GREM2: variants seen among roughly 807,000 people sequenced by gnomAD.
The protein encoded by GREM2 is gremlin-2.
Under a neutral mutation model 14.2 loss-of-function variants are expected in GREM2, and 11 were observed. The observed-to-expected ratio is 0.78, with a 90% CI of 0.49 to 1.28. GREM2 has a LOEUF of 1.28. Among genes scored for constraint, GREM2 ranks in the 50% most tolerant of loss-of-function variants. The pLI is 0.00. For missense variants in GREM2, 210 were observed against 218.5 expected, an observed-to-expected ratio of 0.96 and a Z score of 0.24; for synonymous variants, 98 against 97.6, an observed-to-expected ratio of 1.00 and a Z score of -0.02.
chr1:240,522,874 C>T (rs1048021384), intron 1 of GREM2, among the ~76,000 whole-genome samples: 2 of 152,086 alleles, frequency 1.3e-5, no homozygotes, highest in African/African-American at 4.8e-5. Flanking sequence ...AGGTAAATCA[C>T]AAGCAAAATC....
intron 1 of GREM2, among the ~76,000 whole-genome samples, chr1:240,605,397 A>ATG (rs1336077921): frequency 1.3e-5 from 2 of 152,088 alleles, no homozygotes; most frequent in Non-Finnish European, 2.9e-5. Flanking sequence ...GGATCACTTG[A>ATG]ACGTGAGAGG....
intron 1 of GREM2, among the ~76,000 whole-genome samples, chr1:240,602,642 C>T (rs1387748224): frequency 6.6e-6 from 1 of 151,504 alleles, no homozygotes; most frequent in Non-Finnish European, 1.5e-5. Flanking sequence ...CATGGTGAAA[C>T]CGCGTCTCTA....
At chr1:240,596,612 G>A (rs1021098647) in intron 1 of GREM2, among the ~76,000 whole-genome samples, 1 of 151,966 alleles carries the variant, frequency 6.6e-6, no homozygotes, top group Non-Finnish European at 1.5e-5. Flanking sequence ...CAGGAGAATT[G>A]CTTGAACCCA....
chr1:240,534,785 C>T (rs1281186071), intron 1 of GREM2, among the ~76,000 whole-genome samples: 8 of 151,888 alleles, frequency 5.3e-5, no homozygotes. Flanking sequence ...GAGGCTACTG[C>T]AATCACCCTG....
chr1:240,607,526 C>T (rs989487421), intron 1 of GREM2, among the ~76,000 whole-genome samples: 3 of 152,158 alleles, frequency 2.0e-5, no homozygotes, highest in African/African-American at 4.8e-5. Context: ...TGTTTGAAGA[C>T]ACATATTTCT....
intron 1 of GREM2, among the ~76,000 whole-genome samples, chr1:240,582,797 CA>C (rs112575967): frequency 0.34 from 48,049 of 139,640 alleles, 9,788 homozygotes; most frequent in African/African-American, 0.6. Context: ...AACTCTGTCT[CA>C]AAAAAAAAAA....
intron 1 of GREM2, among the ~76,000 whole-genome samples, chr1:240,601,574 G>A: frequency 6.6e-6 from 1 of 152,150 alleles, no homozygotes; most frequent in East Asian, 1.9e-4. Flanking sequence ...GTGGACAACA[G>A]CATTTACCTC....
chr1:240,533,864 G>A (rs994068766), intron 1 of GREM2, among the ~76,000 whole-genome samples: 3 of 152,200 alleles, frequency 2.0e-5, no homozygotes, highest in South Asian at 4.1e-4. Flanking sequence ...CGATTGTGAC[G>A]AGAGCCTCAA....
In GREM2 at chr1:240,600,367, C is replaced by G. The variant is rs141253328; in HGVS notation, c.-2+11517G>C. ...TTTCCCAGACCTTTACAGGAGCACT[C>G]AGATCATCTTCCTTTGAAATAACAG... is the stretch of plus-strand genomic sequence containing the variant. On this transcript the variant is annotated intron_variant, in intron 1 of 1. Coordinates refer to ENST00000318160, the MANE Select transcript of GREM2 (RefSeq NM_022469.4). Among the ~76,000 whole-genome samples the G allele has an allele frequency of 4.5e-3, 680 of 152,274 alleles. 2 individuals carry two copies. The highest frequency in any genetic ancestry group is 0.016 in the African/African-American group (661 of 41,562).
chr1:240,514,250 A>C (rs1411362882), intron 1 of GREM2, among the ~76,000 whole-genome samples: 1 of 41,410 alleles, frequency 2.4e-5, no homozygotes, highest in East Asian at 1.7e-3. Context: ...TCCATCTCAA[A>C]AAAAAAAAAA....
intron 1 of GREM2, among the ~76,000 whole-genome samples, chr1:240,566,002 G>A (rs1167094045): frequency 6.6e-6 from 1 of 152,092 alleles, no homozygotes; most frequent in African/African-American, 2.4e-5. Context: ...GCAGGGGTTT[G>A]CATTACGGTC....
chr1:240,555,779 T>C (rs966897284), intron 1 of GREM2, among the ~76,000 whole-genome samples: 4 of 152,226 alleles, frequency 2.6e-5, no homozygotes, highest in Non-Finnish European at 5.9e-5. Flanking sequence ...TAAAGTATGT[T>C]ATCCATTAGC....
chr1:240,575,850 A>G (rs1040636577), intron 1 of GREM2, among the ~76,000 whole-genome samples: 2 of 151,622 alleles, frequency 1.3e-5, no homozygotes, highest in African/African-American at 2.4e-5. Flanking sequence ...AAGCTTACAT[A>G]GAAGGAGAAT....
chr1:240,516,028 C>T (rs2103297085), intron 1 of GREM2, among the ~76,000 whole-genome samples: 1 of 152,186 alleles, frequency 6.6e-6, no homozygotes. Context: ...TTATGGTAGA[C>T]CTCCCATACA....
chr1:240,562,767 ATGTG>A (rs536459497), intron 1 of GREM2, among the ~76,000 whole-genome samples: 4 of 149,574 alleles, frequency 2.7e-5, no homozygotes, highest in African/African-American at 7.4e-5. Context: ...GTGTATGTAT[ATGTG>A]TGTGTATGAG....
At chr1:240,521,268 TA>T (rs1558147421) in intron 1 of GREM2, among the ~76,000 whole-genome samples, 1 of 151,906 alleles carries the variant, frequency 6.6e-6, no homozygotes, top group East Asian at 1.9e-4. Context: ...TTCTATATCT[TA>T]AAAAAATGAA....
At chr1:240,565,753 G>A (rs2103357431) in intron 1 of GREM2, among the ~76,000 whole-genome samples, 1 of 151,818 alleles carries the variant, frequency 6.6e-6, no homozygotes, top group Admixed American at 6.6e-5. Flanking sequence ...GGCTAAGGCA[G>A]GAGAATTGCT....
At chr1:240,549,791 G>A (rs1328060725) in intron 1 of GREM2, 1 of 152,396 alleles carries the variant, frequency 6.6e-6, no homozygotes, top group Non-Finnish European at 1.5e-5. Flanking sequence ...TGTATGAAAA[G>A]CAGTGTGGCC....
At chr1:240,526,311 A>G (rs917598037) in intron 1 of GREM2, among the ~76,000 whole-genome samples, 10 of 152,228 alleles carry the variant, frequency 6.6e-5, no homozygotes, top group African/African-American at 2.4e-4. Flanking sequence ...TATCATGACA[A>G]TAATTGCAAC....
Sources: allele counts gnomAD v4.1 joint callset (sites outside exome capture counted in the v4.1 genomes callset), GRCh38; gene constraint gnomAD v4.1.1; transcripts MANE v1.5; gene names NCBI Gene and HGNC (gene_info 2026-07-23, HGNC 2026-07-21).